Variants in ARHGEF7 observed in about 807,000 individuals in gnomAD.
The protein encoded by ARHGEF7 is PAK-interacting exchange factor beta.
ARHGEF7 carries 33 observed loss-of-function variants against 109.8 expected under a neutral mutation model. That is an observed-to-expected ratio of 0.30 (90% confidence interval 0.23 to 0.40). The LOEUF (loss-of-function observed/expected upper bound fraction) is 0.40, where lower values mean the gene tolerates loss of function less well. Ranked by LOEUF, ARHGEF7 falls within the 10% of genes least tolerant of loss-of-function variation. ARHGEF7 has a pLI of 1.00. For synonymous variants in ARHGEF7, 458 were observed against 424.6 expected (o/e 1.08, Z -0.97); for missense variants, 938 against 1,098.5 (o/e 0.85, Z 2.07).
chr13:111,126,631 A>T (rs1440886767), intron 1 of ARHGEF7, among the ~76,000 whole-genome samples: 1 of 152,222 alleles, frequency 6.6e-6, no homozygotes, highest in Non-Finnish European at 1.5e-5. Flanking sequence ...TTCAGACTTT[A>T]TCAATTGATG....
intron 3 of ARHGEF7, among the ~76,000 whole-genome samples, chr13:111,205,711 T>C (rs780479746): frequency 1.8e-4 from 28 of 151,910 alleles, no homozygotes; most frequent in Non-Finnish European, 3.7e-4. Context: ...TTTTACTGAG[T>C]GTATGCTGGT....
chr13:111,210,679 AG>A (rs1014333886), intron 4 of ARHGEF7, among the ~76,000 whole-genome samples: 16 of 152,234 alleles, frequency 1.1e-4, no homozygotes, highest in African/African-American at 3.9e-4. Context: ...GGGCAGAGCC[AG>A]GGCTGCCACT....
intron 2 of ARHGEF7, among the ~76,000 whole-genome samples, chr13:111,193,908 G>T (rs1262187250): frequency 6.6e-6 from 1 of 152,168 alleles, no homozygotes; most frequent in Non-Finnish European, 1.5e-5. Context: ...TGAGGGCCAC[G>T]CATGTACATA....
rs1317103884 is a variant in ARHGEF7, at chr13:111,125,658, G to A, written c.165+9967G>A. 3.3e-5 allele frequency among the ~76,000 whole-genome samples: 5 copies of A among 152,302 alleles called. No homozygotes were observed. In the South Asian group the frequency reaches 1.0e-3, roughly 32 times the overall value. The stretch of plus-strand genomic sequence containing the variant: ...TTTGTAAATATTATGGCCAGTGATG[G>A]CTTTTCTCCCTCAATTCTGAGTGTC... On this transcript the variant is annotated intron_variant, in intron 1 of 21. Coordinates refer to ENST00000646102, the MANE Select transcript of ARHGEF7 (RefSeq NM_001354046.2).
intron 5 of ARHGEF7, among the ~76,000 whole-genome samples, chr13:111,224,663 T>C (rs2084944135): frequency 6.6e-6 from 1 of 152,250 alleles, no homozygotes; most frequent in South Asian, 2.1e-4. Context: ...TTGGTCACTT[T>C]TAAATATTTT....
In ARHGEF7 at chr13:111,228,198, C is replaced by T. The variant is rs565018369; in HGVS notation, c.671-5007C>T. On this transcript the variant is annotated intron_variant, in intron 5 of 21. Transcript: ENST00000646102. The surrounding 1 kb of genome is among the most constrained non-coding windows in gnomAD (Gnocchi z 4.6). The stretch of plus-strand genomic sequence containing the variant: ...GAAAGAGACTTTAGTGGCACAGCAG[C>T]CAGATGTGCTGCGCAGACTTCATTT... Among the ~76,000 whole-genome samples, 12 of 152,312 alleles carry T rather than the reference C, an allele frequency of 7.9e-5. No individual in the cohort carries two copies. The South Asian group carries it at 2.5e-3, about 32-fold the overall frequency.
chr13:111,250,702 T>A (rs1170891838), intron 8 of ARHGEF7, among the ~76,000 whole-genome samples: 1 of 152,166 alleles, frequency 6.6e-6, no homozygotes, highest in East Asian at 1.9e-4. Flanking sequence ...AGCTATATAC[T>A]CCTACCTGAC....
intron 6 of ARHGEF7, among the ~76,000 whole-genome samples, chr13:111,233,896 A>T (rs139924567): frequency 0.026 from 4,007 of 152,328 alleles, 76 homozygotes; most frequent in Middle Eastern, 0.044. Context: ...TCATGGTACT[A>T]AATCTGTGTC....
intron 2 of ARHGEF7, among the ~76,000 whole-genome samples, chr13:111,185,611 C>T (rs1022984331): frequency 5.9e-5 from 9 of 152,324 alleles, no homozygotes; most frequent in Admixed American, 5.2e-4. Flanking sequence ...TACTGTTAGC[C>T]CAAGCCAGTG....
At chr13:111,140,600 G>A (rs551091306) in intron 1 of ARHGEF7, among the ~76,000 whole-genome samples, 5 of 152,292 alleles carry the variant, frequency 3.3e-5, no homozygotes, top group South Asian at 2.1e-4. Flanking sequence ...GCTGGCTGAC[G>A]AGGTCAAGGA....
At chr13:111,127,133 T>C (rs879847870) in intron 1 of ARHGEF7, among the ~76,000 whole-genome samples, 1 of 152,222 alleles carries the variant, frequency 6.6e-6, no homozygotes, top group African/African-American at 2.4e-5. Context: ...TATGAAAACA[T>C]TGTTATGCCA....
intron 2 of ARHGEF7, among the ~76,000 whole-genome samples, chr13:111,195,706 C>T (rs545783725): frequency 2.2e-4 from 33 of 152,262 alleles, no homozygotes; most frequent in African/African-American, 5.8e-4. Flanking sequence ...GTGATTGCCT[C>T]GGCATAGCGG....
intron 2 of ARHGEF7, among the ~76,000 whole-genome samples, chr13:111,189,631 G>A (rs1247401098): frequency 2.0e-5 from 3 of 152,218 alleles, no homozygotes; most frequent in Non-Finnish European, 4.4e-5. Flanking sequence ...GGGGACCCAA[G>A]TGGGTTGCCG....
At chr13:111,121,584 C>A (rs1417251688) in intron 1 of ARHGEF7, among the ~76,000 whole-genome samples, 1 of 152,124 alleles carries the variant, frequency 6.6e-6, no homozygotes, top group East Asian at 1.9e-4. Flanking sequence ...CTTGTGTAGG[C>A]TTGACGCCCA....
chr13:111,185,280 T>G (rs2153435747), intron 2 of ARHGEF7: 1 of 152,540 alleles, frequency 6.6e-6, no homozygotes, highest in Middle Eastern at 3.4e-3. Flanking sequence ...CTCCTGGGGC[T>G]CCCTTACAAG....
intron 6 of ARHGEF7, among the ~76,000 whole-genome samples, chr13:111,237,670 A>G (rs1174643631): frequency 2.0e-5 from 3 of 152,272 alleles, no homozygotes; most frequent in Non-Finnish European, 4.4e-5. Context: ...ACAGTACCAG[A>G]ATGATTAAGC....
intron 3 of ARHGEF7, among the ~76,000 whole-genome samples, chr13:111,205,628 C>T (rs1386319749): frequency 1.3e-5 from 2 of 152,126 alleles, no homozygotes; most frequent in African/African-American, 4.8e-5. Flanking sequence ...GAACGTATAG[C>T]AGGAGAAAAG....
At chr13:111,187,894 C>T (rs2079435668) in intron 2 of ARHGEF7, among the ~76,000 whole-genome samples, 1 of 152,224 alleles carries the variant, frequency 6.6e-6, no homozygotes, top group Non-Finnish European at 1.5e-5. Flanking sequence ...AAACCTAGCA[C>T]TCTGAGAGTG....
At chr13:111,223,745 A>G (rs796314089) in intron 5 of ARHGEF7, among the ~76,000 whole-genome samples, 7 of 152,284 alleles carry the variant, frequency 4.6e-5, no homozygotes, top group Non-Finnish European at 8.8e-5. Context: ...AAAGCATTGT[A>G]TATTATTCCT....
Sources: gnomAD v4.1 joint callset for allele counts (sites outside exome capture counted in the v4.1 genomes callset) on GRCh38, gnomAD v4.1.1 for gene constraint, Gnocchi (gnomAD v3.1) non-coding constraint, MANE v1.5 for transcripts, NCBI Gene and HGNC (gene_info 2026-07-23, HGNC 2026-07-21) for gene names.